CSMD1: variants seen among roughly 807,000 people sequenced by gnomAD.
CSMD1 encodes the protein CUB and Sushi multiple domains 1.
A neutral mutation model predicts 417.5 loss-of-function variants in CSMD1; 213 were observed. That is an observed-to-expected ratio of 0.51 (90% CI 0.46 to 0.57). CSMD1 has a LOEUF of 0.57. Among genes scored for constraint, CSMD1 ranks in the 20% least tolerant of loss-of-function variants. CSMD1 has a pLI of 0.00. For missense variants in CSMD1, 6,923 were observed against 4,529.7 expected, an observed-to-expected ratio of 1.53 and a Z score of -15.17; for synonymous variants, 2,862 against 1,736.8, an observed-to-expected ratio of 1.65 and a Z score of -16.11.
chr8:3,693,741 GGTGT>G (rs989416098), intron 7 of CSMD1, among the ~76,000 whole-genome samples: 1 of 151,894 alleles, frequency 6.6e-6, no homozygotes, highest in East Asian at 1.9e-4. Context: ...TGCTTGTTAT[GGTGT>G]GTGTGTTGTA....
At chr8:3,245,827 C>G (rs1194231704) in intron 26 of CSMD1, among the ~76,000 whole-genome samples, 2 of 152,180 alleles carry the variant, frequency 1.3e-5, no homozygotes, top group Non-Finnish European at 2.9e-5. Flanking sequence ...ATCTTGAGAA[C>G]AAGTCTGTAA....
intron 3 of CSMD1, among the ~76,000 whole-genome samples, chr8:4,409,441 A>G (rs778969117): frequency 6.6e-5 from 10 of 152,308 alleles, no homozygotes; most frequent in South Asian, 2.1e-4. Context: ...ATAAAAACAA[A>G]TCAACAACAA....
chr8:4,956,599 A>G (rs571013710), intron 1 of CSMD1, among the ~76,000 whole-genome samples: 1 of 150,740 alleles, frequency 6.6e-6, no homozygotes, highest in Non-Finnish European at 1.5e-5. Flanking sequence ...ATCATAACAG[A>G]TATTTTTATT....
chr8:4,608,540 C>T (rs1157780101), intron 2 of CSMD1, among the ~76,000 whole-genome samples: 12 of 152,204 alleles, frequency 7.9e-5, no homozygotes, highest in African/African-American at 2.7e-4. Context: ...GACGCCAGTA[C>T]TGTCATTAAC....
At chr8:4,368,043 T>G (rs894412150) in intron 3 of CSMD1, among the ~76,000 whole-genome samples, 1 of 152,196 alleles carries the variant, frequency 6.6e-6, no homozygotes, top group African/African-American at 2.4e-5. Flanking sequence ...GAACTTCCAG[T>G]ACTATGTTGA....
intron 26 of CSMD1, among the ~76,000 whole-genome samples, chr8:3,252,870 C>T (rs1173178319): frequency 1.3e-5 from 2 of 152,178 alleles, no homozygotes; most frequent in Admixed American, 1.3e-4. Context: ...ATAGTATTCT[C>T]TGATGGTAGT....
rs115346664 is a variant in CSMD1, at chr8:3,020,778, G to A, written c.7856-2128C>T. On this transcript the variant is annotated intron_variant, in intron 51 of 69. Transcript: ENST00000635120. ...TACCAGAAATTGGGAGGTCCAACTC[G>A]AGAGTCCATCACGACCAGCACACTA... Among the ~76,000 whole-genome samples the A allele has an allele frequency of 3.1e-3, 472 of 152,250 alleles. 1 individual carries two copies. Among genetic ancestry groups the A allele is most frequent in the African/African-American group, 0.011 (440 of 41,536 alleles).
At chr8:4,463,222 C>A (rs920020471) in intron 2 of CSMD1, among the ~76,000 whole-genome samples, 2 of 152,114 alleles carry the variant, frequency 1.3e-5, no homozygotes, top group South Asian at 4.1e-4. Flanking sequence ...AAATGCAAAT[C>A]AAAGACGTAC....
intron 5 of CSMD1, among the ~76,000 whole-genome samples, chr8:3,868,571 G>C (rs575931243): frequency 6.6e-6 from 1 of 152,140 alleles, no homozygotes; most frequent in Non-Finnish European, 1.5e-5. Context: ...ATGTGGATTT[G>C]AGGGTCCAGC....
At chr8:3,278,796 A>G (rs956928338) in intron 26 of CSMD1, 1 of 151,944 alleles carries the variant, frequency 6.6e-6, no homozygotes, top group Non-Finnish European at 1.5e-5. Flanking sequence ...AGAGTTTCCC[A>G]CCTTTGGTTT....
intron 18 of CSMD1, among the ~76,000 whole-genome samples, chr8:3,372,475 T>G (rs1368103429): frequency 2.6e-5 from 4 of 152,052 alleles, no homozygotes; most frequent in Non-Finnish European, 5.9e-5. Context: ...GGGAGGAAGG[T>G]GGTCAGGACC....
chr8:3,286,039 AC>A (rs1237176185), intron 25 of CSMD1, among the ~76,000 whole-genome samples: 1 of 151,948 alleles, frequency 6.6e-6, no homozygotes, highest in South Asian at 2.1e-4. Context: ...ATGTGTTCTC[AC>A]TGTTCAACTC....
At chr8:4,292,774 A>G (rs1797444021) in intron 3 of CSMD1, among the ~76,000 whole-genome samples, 1 of 152,188 alleles carries the variant, frequency 6.6e-6, no homozygotes, top group Non-Finnish European at 1.5e-5. Flanking sequence ...ATTAAACACA[A>G]TCTTCAGTAG....
intron 1 of CSMD1, among the ~76,000 whole-genome samples, chr8:4,711,437 A>C (rs1281171597): frequency 6.6e-6 from 1 of 152,146 alleles, no homozygotes; most frequent in South Asian, 2.1e-4. Flanking sequence ...TAATAGCTGC[A>C]TTTTCAAACA....
chr8:4,351,111 G>T (rs958098019), intron 3 of CSMD1, among the ~76,000 whole-genome samples: 14 of 151,928 alleles, frequency 9.2e-5, no homozygotes, highest in African/African-American at 2.9e-4. Context: ...CTGAGCCCAG[G>T]GGTTCGAGAC....
At chr8:3,764,331 G>C (rs1203784658) in intron 5 of CSMD1, among the ~76,000 whole-genome samples, 1 of 152,100 alleles carries the variant, frequency 6.6e-6, no homozygotes, top group Non-Finnish European at 1.5e-5. Context: ...GAGTGTACTT[G>C]TGCTCCCTGC....
chr8:3,148,128 T>C (rs910135092), intron 40 of CSMD1, among the ~76,000 whole-genome samples: 1 of 152,214 alleles, frequency 6.6e-6, no homozygotes, highest in African/African-American at 2.4e-5. Flanking sequence ...AATCACTTTA[T>C]GGTTTGGGTG....
At chr8:3,877,019 A>G (rs1805868849) in intron 5 of CSMD1, among the ~76,000 whole-genome samples, 1 of 152,220 alleles carries the variant, frequency 6.6e-6, no homozygotes, top group South Asian at 2.1e-4. Flanking sequence ...ATGAAATGTG[A>G]GCATTTTCAT....
intron 20 of CSMD1, among the ~76,000 whole-genome samples, chr8:3,360,184 T>C (rs1342178306): frequency 2.0e-5 from 3 of 152,236 alleles, no homozygotes; most frequent in Non-Finnish European, 4.4e-5. Context: ...GATTGAAAAG[T>C]AGTAGACAAG....
Sources: allele counts gnomAD v4.1 joint callset (sites outside exome capture counted in the v4.1 genomes callset), GRCh38; gene constraint gnomAD v4.1.1; transcripts MANE v1.5; gene names NCBI Gene and HGNC (gene_info 2026-07-23, HGNC 2026-07-21).